OTUD7A: variants seen among roughly 807,000 people sequenced by gnomAD.
OTUD7A encodes OTU domain-containing protein 7A.
A neutral mutation model predicts 65.7 loss-of-function variants in OTUD7A; 12 were observed. The ratio of observed to expected loss-of-function variants is 0.18; its 90% CI spans 0.12 to 0.30. OTUD7A has a LOEUF of 0.30. Ranked by LOEUF, OTUD7A falls within the 10% of genes least tolerant of loss-of-function variation. The probability of loss-of-function intolerance (pLI) is 1.00; values close to 1 mark genes in which losing one functional copy is unlikely to be tolerated. For synonymous variants in OTUD7A, 641 were observed against 586.3 expected, an observed-to-expected ratio of 1.09 and a Z score of -1.35; for missense variants, 1,148 against 1,304.8, an observed-to-expected ratio of 0.88 and a Z score of 1.85.
intron 5 of OTUD7A, among the ~76,000 whole-genome samples, chr15:31,548,003 G>A (rs1195368061): frequency 1.3e-5 from 2 of 152,230 alleles, no homozygotes; most frequent in Non-Finnish European, 2.9e-5. Context: ...ACTGCCGCAA[G>A]GTAGGCTTCT....
intron 1 of OTUD7A, among the ~76,000 whole-genome samples, chr15:31,788,556 T>C (rs1462398468): frequency 6.6e-6 from 1 of 152,214 alleles, no homozygotes; most frequent in Admixed American, 6.5e-5. Context: ...TATTTTCACA[T>C]TCCCATGAAA....
intron 1 of OTUD7A, among the ~76,000 whole-genome samples, chr15:31,658,455 G>T (rs1892056765): frequency 3.9e-5 from 6 of 152,126 alleles, no homozygotes; most frequent in Admixed American, 3.9e-4. Context: ...CGTATCCGAG[G>T]TTGCAGTGTT....
chr15:31,526,177 G>T (rs34483391), intron 8 of OTUD7A, among the ~76,000 whole-genome samples, 172 bp downstream of exon 8: 1 of 152,092 alleles, frequency 6.6e-6, no homozygotes, highest in African/African-American at 2.4e-5. Flanking sequence ...CATCACCCAC[G>T]GTCCTCCCGT....
rs115893474 is a variant in OTUD7A at position 31,591,303 on chromosome 15, T to C, written c.152-21106A>G. Among the ~76,000 whole-genome samples, 982 of 152,128 alleles carry C rather than the reference T, an allele frequency of 6.5e-3. 14 individuals are homozygous for C. The highest frequency in any genetic ancestry group is 0.023 in the African/African-American group (947 of 41,496). ...AGAGCTTGGAGTGGTCTGCAGCGGATACATGGGGAAGGGGCACATCCTCAG... is the reference window on the plus strand; with the variant it reads ...AGAGCTTGGAGTGGTCTGCAGCGGACACATGGGGAAGGGGCACATCCTCAG... On this transcript the variant is annotated intron_variant, in intron 3 of 12. Coordinates refer to ENST00000307050, the MANE Select transcript of OTUD7A (RefSeq NM_001382637.1).
At chr15:31,771,980 C>T (rs1040139700) in intron 1 of OTUD7A, among the ~76,000 whole-genome samples, 5 of 152,096 alleles carry the variant, frequency 3.3e-5, no homozygotes, top group African/African-American at 4.8e-5. Context: ...GGGCCGGGCG[C>T]GGTGGCTCAC....
chr15:31,483,205 G>T lies in OTUD7A; in HGVS notation c.*89C>A. ...TGACAGAGGAGGCGCCGGCCTTCCG[G>T]TGGACCAGGGCATGTAAAAAAGACA... On this transcript the variant is annotated 3_prime_UTR_variant, in exon 13 of 13. Transcript: ENST00000307050. 2 of 1,029,022 alleles carry T rather than the reference G, an allele frequency of 1.9e-6. No homozygotes were observed. The highest frequency in any genetic ancestry group is 2.3e-6 in the Non-Finnish European group (2 of 857,596). 63.7% of individuals were successfully genotyped at this position (1,029,022 alleles called of 1,614,324 possible). A position where few individuals can be genotyped will look rare whatever the true frequency, so the allele number is the denominator to read the frequency against.
At chr15:31,787,159 C>T (rs1168385928) in intron 1 of OTUD7A, among the ~76,000 whole-genome samples, 2 of 152,076 alleles carry the variant, frequency 1.3e-5, no homozygotes, top group East Asian at 1.9e-4. Flanking sequence ...GATCTCAATG[C>T]TAGACACTGT....
rs758482764 is a variant in OTUD7A at position 31,718,067 on chromosome 15, G to T, written c.-99-60990C>A. Reference sequence around the variant, plus strand: ...TCATGATTAGACTCTGTTGTGTATTGCTGGCAGGAACACTGTGGAAGTGAT... The same window carrying T: ...TCATGATTAGACTCTGTTGTGTATTTCTGGCAGGAACACTGTGGAAGTGAT... On this transcript the variant is annotated intron_variant, in intron 1 of 12. Transcript: ENST00000307050. 4.6e-5 allele frequency among the ~76,000 whole-genome samples: 7 copies of T among 152,280 alleles called. No individual in the cohort carries two copies. In the South Asian group the frequency reaches 8.3e-4, roughly 18 times the overall value.
intron 8 of OTUD7A, among the ~76,000 whole-genome samples, chr15:31,523,629 C>T (rs939731575): frequency 3.9e-5 from 6 of 152,248 alleles, no homozygotes; most frequent in African/African-American, 9.6e-5. Flanking sequence ...ACATCCCCTA[C>T]GGCCCCATGT....
At chr15:31,637,168 C>T (rs1189887462) in intron 3 of OTUD7A, among the ~76,000 whole-genome samples, 1 of 152,224 alleles carries the variant, frequency 6.6e-6, no homozygotes, top group African/African-American at 2.4e-5. Context: ...GAATAAGTCT[C>T]TGCCTGGCTT....
At chr15:31,822,411 G>A (rs1896704941) in intron 1 of OTUD7A, among the ~76,000 whole-genome samples, 1 of 152,164 alleles carries the variant, frequency 6.6e-6, no homozygotes, top group Non-Finnish European at 1.5e-5. Context: ...TATTTATTAG[G>A]AAACAGACAA....
intron 1 of OTUD7A, among the ~76,000 whole-genome samples, chr15:31,792,259 C>A (rs1348707983): frequency 2.6e-5 from 4 of 152,130 alleles, no homozygotes; most frequent in Non-Finnish European, 4.4e-5. Context: ...GACTGACACC[C>A]CTGACTACAT....
intron 1 of OTUD7A, among the ~76,000 whole-genome samples, chr15:31,818,109 G>C (rs1595790547): frequency 1.3e-5 from 2 of 152,204 alleles, no homozygotes. Context: ...GAGAGCAAGG[G>C]TGCATCAGAC....
intron 1 of OTUD7A, among the ~76,000 whole-genome samples, chr15:31,803,880 A>G (rs758550006): frequency 7.2e-5 from 11 of 152,108 alleles, no homozygotes; most frequent in African/African-American, 1.5e-4. Flanking sequence ...GGAATTCACA[A>G]TAAGTTCTCA....
At chr15:31,847,105 G>A (rs1018752004) in intron 1 of OTUD7A, among the ~76,000 whole-genome samples, 1 of 152,234 alleles carries the variant, frequency 6.6e-6, no homozygotes, top group African/African-American at 2.4e-5. Flanking sequence ...CCTTGTGAGT[G>A]AATGGGCCTG....
intron 1 of OTUD7A, among the ~76,000 whole-genome samples, chr15:31,759,359 C>T (rs1364223737): frequency 3.9e-5 from 6 of 152,290 alleles, no homozygotes; most frequent in Middle Eastern, 3.4e-3. Context: ...TGGCACCTAC[C>T]CCAAAGAGAA....
intron 3 of OTUD7A, among the ~76,000 whole-genome samples, chr15:31,621,148 C>A (rs1410908436): frequency 6.6e-6 from 1 of 151,676 alleles, no homozygotes; most frequent in Non-Finnish European, 1.5e-5. Flanking sequence ...GCTATAATTT[C>A]TGTTTTTTTA....
At chr15:31,758,037 C>T (rs961592386) in intron 1 of OTUD7A, among the ~76,000 whole-genome samples, 5 of 152,046 alleles carry the variant, frequency 3.3e-5, no homozygotes, top group African/African-American at 7.2e-5. Flanking sequence ...TAAATGTCTT[C>T]GATTTTTATT....
chr15:31,759,453 T>G (rs900716955), intron 1 of OTUD7A, among the ~76,000 whole-genome samples: 1 of 152,246 alleles, frequency 6.6e-6, no homozygotes, highest in African/African-American at 2.4e-5. Context: ...ATCCTGTCAC[T>G]TCTCACACTT....
Sources: allele counts gnomAD v4.1 joint callset (sites outside exome capture counted in the v4.1 genomes callset), GRCh38; gene constraint gnomAD v4.1.1; transcripts MANE v1.5; gene names NCBI Gene and HGNC (gene_info 2026-07-23, HGNC 2026-07-21).